The following NUDT9 variants were observed in gnomAD, a reference collection of about 807,000 sequenced individuals.
NUDT9 encodes the protein nudix hydrolase 9.
A neutral mutation model predicts 41.0 loss-of-function variants in NUDT9; 31 were observed. The observed-to-expected ratio is 0.76, with a 90% CI of 0.57 to 1.02. The LOEUF (loss-of-function observed/expected upper bound fraction) is 1.02, where lower values mean the gene tolerates loss of function less well. Among genes scored for constraint, NUDT9 ranks in the 50% least tolerant of loss-of-function variants. The pLI is 0.00. For synonymous variants in NUDT9, 146 were observed against 147.6 expected (o/e 0.99, Z 0.08); for missense variants, 380 against 431.4 (o/e 0.88, Z 1.06).
rs28516874 is a variant in NUDT9 at position 87,427,956 on chromosome 4, T to G, written c.107+4944T>G. 2.8e-3 allele frequency among the ~76,000 whole-genome samples: 421 copies of G among 152,308 alleles called. 1 individual carries two copies. The highest frequency in any genetic ancestry group is 9.6e-3 in the African/African-American group (398 of 41,574). On this transcript the variant is annotated intron_variant, in intron 1 of 7. Coordinates refer to ENST00000302174, the MANE Select transcript of NUDT9 (RefSeq NM_024047.5). ...TGGGTTTAAGGTGAGTGAGGGAGAC[T>G]TTATTTTCAGAATATTCATTGTGTA... is the stretch of plus-strand genomic sequence containing the variant.
chr4:87,432,726 A>G (rs898801489), intron 1 of NUDT9, among the ~76,000 whole-genome samples: 4 of 151,130 alleles, frequency 2.6e-5, no homozygotes, highest in African/African-American at 9.7e-5. Context: ...AAGGGTGCTG[A>G]ATTTTGTTAG....
chr4:87,448,252 C>T (rs189468343), intron 4 of NUDT9, among the ~76,000 whole-genome samples: 219 of 142,878 alleles, frequency 1.5e-3, no homozygotes, highest in Non-Finnish European at 2.4e-3. Context: ...TCAAGTGATT[C>T]TCCTGCCTCA....
At chr4:87,440,933 A>G (rs1355856719) in intron 3 of NUDT9, among the ~76,000 whole-genome samples, 1 of 152,152 alleles carries the variant, frequency 6.6e-6, no homozygotes, top group Non-Finnish European at 1.5e-5. Flanking sequence ...TCAGCTGGGC[A>G]GGTGTCTTGT....
chr4:87,449,021 T>G, intron 4 of NUDT9, 121 bp from the exon 5 acceptor site: 2 of 585,926 alleles, frequency 3.4e-6, no homozygotes, highest in Non-Finnish European at 6.1e-6. Context: ...ACTAGCTGAT[T>G]TGAGATAAAT....
intron 7 of NUDT9, among the ~76,000 whole-genome samples, chr4:87,454,852 T>C (rs1261632167): frequency 6.6e-6 from 1 of 152,176 alleles, no homozygotes; most frequent in East Asian, 1.9e-4. Flanking sequence ...TCAAATATTT[T>C]TATAATAATC....
intron 1 of NUDT9, among the ~76,000 whole-genome samples, chr4:87,426,115 C>A (rs895602050): frequency 6.6e-6 from 1 of 152,126 alleles, no homozygotes; most frequent in African/African-American, 2.4e-5. Context: ...TCCCAGTCAT[C>A]AAATGTACAT....
At chr4:87,438,623 T>A (rs965291794) in intron 3 of NUDT9, among the ~76,000 whole-genome samples, 5 of 152,218 alleles carry the variant, frequency 3.3e-5, no homozygotes, top group Non-Finnish European at 7.3e-5. Context: ...CATCTTTTTG[T>A]AATTGTATCT....
chr4:87,434,161 T>A (rs1419479417), intron 1 of NUDT9: 1 of 152,150 alleles, frequency 6.6e-6, no homozygotes, highest in Non-Finnish European at 1.5e-5. Context: ...TTCAAGCAAT[T>A]CTCCTGCCCC....
rs191781142 is a variant in NUDT9 at position 87,455,858 on chromosome 4, C to A, written c.874+1403C>A. Among the ~76,000 whole-genome samples, 311 of 152,048 alleles carry A rather than the reference C, an allele frequency of 2.0e-3. 2 individuals are homozygous for A. The highest frequency in any genetic ancestry group is 6.8e-3 in the Middle Eastern group (2 of 294). On this transcript the variant is annotated intron_variant, in intron 7 of 7. Coordinates refer to ENST00000302174, the MANE Select transcript of NUDT9 (RefSeq NM_024047.5). The stretch of plus-strand genomic sequence containing the variant: ...TGTATTTTTAGTAGAGATGGGGTTT[C>A]ACCATGTTGGCCAGGCTGGTCTCAA...
At chr4:87,437,817 G>T (rs1462095462) in intron 2 of NUDT9, among the ~76,000 whole-genome samples, 1 of 151,976 alleles carries the variant, frequency 6.6e-6, no homozygotes, top group Non-Finnish European at 1.5e-5. Context: ...CTGCTTTGTG[G>T]GTTTACTCTG....
At chr4:87,427,443 G>C (rs1681459575) in intron 1 of NUDT9, among the ~76,000 whole-genome samples, 2 of 152,174 alleles carry the variant, frequency 1.3e-5, no homozygotes, top group South Asian at 4.1e-4. Context: ...GTATATGTGT[G>C]TATTACAAGT....
intron 3 of NUDT9, among the ~76,000 whole-genome samples, chr4:87,440,467 T>G (rs1722154257): frequency 6.6e-6 from 1 of 152,208 alleles, no homozygotes; most frequent in South Asian, 2.1e-4. Flanking sequence ...TTCCAAGTTA[T>G]GGTCTTGGTC....
At position 87,453,072 on chromosome 4, in the gene NUDT9, A is replaced by G. The variant is rs547944746; in HGVS notation, c.790-1299A>G. Among the ~76,000 whole-genome samples the G allele has an allele frequency of 2.6e-5, 4 of 152,162 alleles. No homozygotes were observed. In the South Asian group the frequency reaches 8.3e-4, roughly 32 times the overall value. On this transcript the variant is annotated intron_variant, in intron 6 of 7. Transcript: ENST00000302174. ...GGTGATCCGCCTGCCTCGGCCTCCC[A>G]AAGTCCTGGGATTACAGGCGTGAGC...
intron 3 of NUDT9, among the ~76,000 whole-genome samples, chr4:87,441,184 G>T (rs535652608): frequency 2.0e-5 from 3 of 152,138 alleles, no homozygotes; most frequent in Admixed American, 6.5e-5. Context: ...AATGAAAGTT[G>T]AACATTTAAA....
chr4:87,425,446 G>A (rs891698869), intron 1 of NUDT9, among the ~76,000 whole-genome samples: 1 of 146,100 alleles, frequency 6.8e-6, no homozygotes, highest in Non-Finnish European at 1.5e-5. Context: ...CAAGGCTGGA[G>A]TGCGGTGGCG....
intron 7 of NUDT9, 95 bp from the exon 8 acceptor site, chr4:87,457,748 G>C: frequency 9.1e-7 from 1 of 1,104,760 alleles, no homozygotes. Flanking sequence ...GTACAATGAT[G>C]ATATAAGATT....
chr4:87,438,452 G>A, intron 3 of NUDT9, 80 bp downstream of exon 3: 1 of 758,466 alleles, frequency 1.3e-6, no homozygotes, highest in East Asian at 2.6e-5. Context: ...TCAAATCCTT[G>A]TATGTGCCAG....
At position 87,441,912 on chromosome 4, in the gene NUDT9, C is replaced by A. The variant is rs957829380; in HGVS notation, c.527C>A (p.Thr176Asn). The change falls in exon 4 of 8, where the codon ACC becomes AAC. Residue 176 changes from threonine (T) to asparagine (N), a missense_variant. Thr to Asn is a moderately conservative substitution (Grantham distance 65). Coordinates refer to ENST00000302174, the MANE Select transcript of NUDT9 (RefSeq NM_024047.5). ...AATCACGCTGCAGATCCCATTATAA[C>A]CAGGTAAGAACCAATAAAAAGCATA... is the stretch of plus-strand genomic sequence containing the variant. ...GPNHAADPII[T>N]RWKRDSSGNK... The A allele has an allele frequency of 2.5e-6, 4 of 1,604,904 alleles. No individual in the cohort carries two copies. The highest frequency in any genetic ancestry group is 3.4e-6 in the Non-Finnish European group (4 of 1,176,398).
In NUDT9 at chr4:87,452,843, G is replaced by A. The variant is rs1178269075; in HGVS notation, c.789+1108G>A. Among the ~76,000 whole-genome samples the A allele has an allele frequency of 6.4e-5, 8 of 124,610 alleles. No individual in the cohort carries two copies. In the South Asian group the frequency reaches 7.6e-4, roughly 12 times the overall value. 81.7% of individuals were successfully genotyped at this position (124,610 alleles called of 152,430 possible). On this transcript the variant is annotated intron_variant, in intron 6 of 7. Transcript: ENST00000302174. ...TTTTTTTTTTTTGAGATGAAGTCTC[G>A]CTCTTGTCCCCAGGCTGGAGTGCAA...
Sources: gnomAD v4.1 joint callset for allele counts (sites outside exome capture counted in the v4.1 genomes callset) on GRCh38, gnomAD v4.1.1 for gene constraint, MANE v1.5 for transcripts, NCBI Gene and HGNC (gene_info 2026-07-23, HGNC 2026-07-21) for gene names.